The following DNAH11 variants were observed in gnomAD, a reference collection of about 807,000 sequenced individuals.
DNAH11 encodes dynein axonemal heavy chain 11.
Under a neutral mutation model 526.0 loss-of-function variants are expected in DNAH11, and 442 were observed. The observed-to-expected ratio is 0.84, with a 90% CI of 0.78 to 0.91. DNAH11 has a LOEUF of 0.91. Among genes scored for constraint, DNAH11 ranks in the 40% least tolerant of loss-of-function variants. The pLI is 0.00. For missense variants in DNAH11, 6,989 were observed against 5,448.7 expected (o/e 1.28, Z -8.90); for synonymous variants, 2,461 against 1,935.9 (o/e 1.27, Z -7.12).
chr7:21,849,541 A>T (rs73685312), intron 66 of DNAH11, among the ~76,000 whole-genome samples: 1,789 of 152,332 alleles, frequency 0.012, 30 homozygotes, highest in African/African-American at 0.041. Context: ...TGGTCTAAGA[A>T]AGCTTTTATT....
At chr7:21,561,234 T>A in intron 5 of DNAH11, 64 bp downstream of exon 5, 1 of 1,218,936 alleles carries the variant, frequency 8.2e-7, no homozygotes, top group Non-Finnish European at 1.2e-6. Flanking sequence ...AGCCCCTGCC[T>A]GCTCGGCCTT....
chr7:21,765,328 C>T (rs1478555375), intron 54 of DNAH11, 100 bp from the exon 55 acceptor site: 1 of 1,543,466 alleles, frequency 6.5e-7, no homozygotes, highest in Non-Finnish European at 8.9e-7. Context: ...TTTAATGTCA[C>T]AGTTGGCTGC....
intron 35 of DNAH11, among the ~76,000 whole-genome samples, chr7:21,693,160 G>A (rs978705563): frequency 6.6e-5 from 10 of 152,072 alleles, no homozygotes; most frequent in African/African-American, 2.2e-4. Flanking sequence ...AATTTGCTTA[G>A]CCCAAGCTTG....
At chr7:21,832,726 C>T (rs1477604702) in intron 65 of DNAH11, among the ~76,000 whole-genome samples, 3 of 152,176 alleles carry the variant, frequency 2.0e-5, no homozygotes, top group Admixed American at 6.5e-5. Context: ...CAATGTGATC[C>T]TCTAGAGTGG....
chr7:21,552,166 A>G (rs962384659), intron 2 of DNAH11, among the ~76,000 whole-genome samples: 1 of 152,170 alleles, frequency 6.6e-6, no homozygotes, highest in Non-Finnish European at 1.5e-5. Flanking sequence ...TCACATACAC[A>G]TGGAATGGTT....
chr7:21,866,338 A>C, intron 70 of DNAH11, 132 bp from the exon 71 acceptor site: 1 of 696,242 alleles, frequency 1.4e-6, no homozygotes. Context: ...AAAAAAAAGG[A>C]AATCTGAAGA....
At chr7:21,555,996 G>A (rs1783204816) in intron 2 of DNAH11, among the ~76,000 whole-genome samples, 1 of 152,170 alleles carries the variant, frequency 6.6e-6, no homozygotes. Context: ...TGGGTGTCTG[G>A]TAGGCAGGCA....
chr7:21,744,841 G>A (rs1786071846), intron 50 of DNAH11, 29 bp from the exon 51 acceptor site: 1 of 1,584,768 alleles, frequency 6.3e-7, no homozygotes, highest in South Asian at 1.2e-5. Context: ...TGGTTGACAT[G>A]CCATATTTTT....
intron 14 of DNAH11, among the ~76,000 whole-genome samples, chr7:21,598,712 A>G (rs968862834): frequency 2.0e-5 from 3 of 152,086 alleles, no homozygotes; most frequent in African/African-American, 7.2e-5. Flanking sequence ...CCCACTGGTT[A>G]TTTTTCCTGA....
At chr7:21,816,428 C>G in intron 63 of DNAH11, 39 bp from the exon 64 acceptor site, 1 of 1,495,850 alleles carries the variant, frequency 6.7e-7, no homozygotes, top group African/African-American at 1.4e-5. Flanking sequence ...CTCTCTCTGC[C>G]ACATGACCAA....
rs78742562 is a variant in DNAH11 at position 21,721,721 on chromosome 7, A to G, written c.7266+865A>G. Among the ~76,000 whole-genome samples, 289 of 152,272 alleles carry G rather than the reference A, an allele frequency of 1.9e-3. 8 individuals are homozygous for G. The East Asian group carries it at 0.053, about 28-fold the overall frequency. ...ATGTCCCAAGGCCCCACCACCAAAT[A>G]TCATCACACTGTGGGGTAGGGCTTC... On this transcript the variant is annotated intron_variant, in intron 44 of 81. Transcript: ENST00000409508.
intron 18 of DNAH11, among the ~76,000 whole-genome samples, chr7:21,605,264 G>A (rs921512485): frequency 2.0e-5 from 3 of 152,138 alleles, no homozygotes; most frequent in African/African-American, 7.2e-5. Context: ...TTTGAGTTTT[G>A]CACTTCAGCT....
intron 71 of DNAH11, among the ~76,000 whole-genome samples, chr7:21,867,611 G>A (rs1450163389): frequency 6.6e-6 from 1 of 152,094 alleles, no homozygotes; most frequent in Non-Finnish European, 1.5e-5. Context: ...CACTCAGGGG[G>A]GTCTCAGTAG....
intron 75 of DNAH11, among the ~76,000 whole-genome samples, chr7:21,881,499 T>C (rs1583807848): frequency 6.6e-6 from 1 of 152,338 alleles, no homozygotes; most frequent in East Asian, 1.9e-4. Flanking sequence ...TCAAGAACAT[T>C]TGTGTAAGTT....
chr7:21,852,422 AAG>A, intron 66 of DNAH11, 43 bp from the exon 67 acceptor site: 2 of 1,555,186 alleles, frequency 1.3e-6, no homozygotes, highest in Admixed American at 2.1e-5. Flanking sequence ...AAAAAAAAAA[AAG>A]TACTTAACCA....
intron 35 of DNAH11, 116 bp from the exon 36 acceptor site, chr7:21,697,959 A>G (rs1272080244): frequency 4.6e-6 from 5 of 1,086,682 alleles, no homozygotes; most frequent in Non-Finnish European, 5.2e-6. Flanking sequence ...GACAGACATA[A>G]TTATGATCTG....
intron 20 of DNAH11, among the ~76,000 whole-genome samples, chr7:21,612,194 C>G (rs1182804087): frequency 6.6e-6 from 1 of 152,072 alleles, no homozygotes; most frequent in Non-Finnish European, 1.5e-5. Flanking sequence ...ACTATTCAAA[C>G]TTAGCCAGTC....
intron 28 of DNAH11, among the ~76,000 whole-genome samples, chr7:21,640,907 C>T (rs982591962): frequency 6.6e-6 from 1 of 152,084 alleles, no homozygotes; most frequent in East Asian, 1.9e-4. Flanking sequence ...ATCTGTCTGT[C>T]ATTGTCCTTT....
chr7:21,867,913 CTTAG>C lies in DNAH11; in HGVS notation c.11749_11752del (p.Val3917LysfsTer20), dbSNP rs765308785. 6.3e-7 allele frequency: 1 copy of C among 1,581,406 alleles called. No homozygotes were observed. The highest frequency in any genetic ancestry group is 2.3e-5 in the East Asian group (1 of 43,648). On this transcript the variant is annotated frameshift_variant, in exon 72 of 82. Transcript: ENST00000409508. LOFTEE classifies it high-confidence loss of function. ...AGTATGTGGAGAGGACCAGATTGGA[CTTAG>C]TTAAAGCATTCGAAGAAAGCAGCCC... is the stretch of plus-strand genomic sequence containing the variant.
Sources: gnomAD v4.1 joint callset for allele counts (sites outside exome capture counted in the v4.1 genomes callset) on GRCh38, gnomAD v4.1.1 for gene constraint, MANE v1.5 for transcripts, NCBI Gene and HGNC (gene_info 2026-07-23, HGNC 2026-07-21) for gene names.